Variants in ARB2A observed in about 807,000 individuals in gnomAD.
ARB2A encodes cotranscriptional regulator ARB2A.
chr5:93,806,989 A>C, the ARB2A span, among the ~76,000 whole-genome samples: 1 of 152,036 alleles, frequency 6.6e-6, no homozygotes, highest in East Asian at 1.9e-4. Flanking sequence ...CACAATAATC[A>C]AATTCAGCCA....
At chr5:94,020,195 T>G in the ARB2A span, among the ~76,000 whole-genome samples, 1 of 139,280 alleles carries the variant, frequency 7.2e-6, no homozygotes, top group East Asian at 2.1e-4. Flanking sequence ...TTCTCACTCA[T>G]AAGTGGGAGT....
the ARB2A span, among the ~76,000 whole-genome samples, chr5:94,009,098 A>C: frequency 6.6e-6 from 1 of 152,144 alleles, no homozygotes; most frequent in Non-Finnish European, 1.5e-5. Flanking sequence ...TCTCAAAATT[A>C]GGTTAGTTTT....
chr5:93,783,186 G>A, the ARB2A span, among the ~76,000 whole-genome samples: 1 of 151,992 alleles, frequency 6.6e-6, no homozygotes, highest in Non-Finnish European at 1.5e-5. Flanking sequence ...TTATGTGAGC[G>A]GGGAAAAGTT....
At chr5:94,086,026 A>C in the ARB2A span, among the ~76,000 whole-genome samples, 1 of 152,230 alleles carries the variant, frequency 6.6e-6, no homozygotes, top group Non-Finnish European at 1.5e-5. Flanking sequence ...AAAGAACAGA[A>C]GGCATGAGAT....
chr5:94,040,260 A>G, the ARB2A span, among the ~76,000 whole-genome samples: 1 of 152,184 alleles, frequency 6.6e-6, no homozygotes, highest in Non-Finnish European at 1.5e-5. Context: ...ATCGTGGGAC[A>G]TGGGGAGCTT....
the ARB2A span, among the ~76,000 whole-genome samples, chr5:94,106,198 C>G: frequency 6.6e-6 from 1 of 151,956 alleles, no homozygotes; most frequent in African/African-American, 2.4e-5. Context: ...AACAGACAAC[C>G]TACAGAATGG....
At chr5:94,109,866 TTCTCTATACC>T in the ARB2A span, among the ~76,000 whole-genome samples, 1 of 150,532 alleles carries the variant, frequency 6.6e-6, no homozygotes, top group Non-Finnish European at 1.5e-5. Flanking sequence ...TAATTTATTT[TTCTCTATACC>T]TCTTTTTTTT....
At chr5:94,018,407 T>TA in the ARB2A span, among the ~76,000 whole-genome samples, 6 of 152,344 alleles carry the variant, frequency 3.9e-5, no homozygotes, top group African/African-American at 1.4e-4. Flanking sequence ...CTGAATTCAC[T>TA]AGCTTACTAT....
At chr5:94,014,287 C>T in the ARB2A span, among the ~76,000 whole-genome samples, 1 of 152,196 alleles carries the variant, frequency 6.6e-6, no homozygotes, top group Admixed American at 6.5e-5. Flanking sequence ...AGGCCTCCCC[C>T]ATTTGGGATG....
chr5:93,664,129 G>T, the ARB2A span, among the ~76,000 whole-genome samples: 1 of 151,764 alleles, frequency 6.6e-6, no homozygotes, highest in Admixed American at 6.6e-5. Flanking sequence ...GGGCGGGGGT[G>T]GGGGGCAGTG....
the ARB2A span, among the ~76,000 whole-genome samples, chr5:93,825,307 AAGAT>A: frequency 1.7e-4 from 1 of 5,774 alleles, no homozygotes; most frequent in Non-Finnish European, 4.0e-4. Flanking sequence ...GGGCACAAAC[AAGAT>A]AATTTTTTTT....
the ARB2A span, among the ~76,000 whole-genome samples, chr5:94,074,210 G>A: frequency 1.3e-5 from 2 of 151,876 alleles, no homozygotes; most frequent in Admixed American, 6.6e-5. Context: ...AATGTCTAAC[G>A]CAGATTCCTT....
chr5:93,928,847 T>C, the ARB2A span, among the ~76,000 whole-genome samples: 1 of 152,096 alleles, frequency 6.6e-6, no homozygotes, highest in African/African-American at 2.4e-5. Flanking sequence ...TGATGGGCTA[T>C]ATGGGAAAAG....
the ARB2A span, among the ~76,000 whole-genome samples, chr5:93,973,519 C>A: frequency 1.3e-5 from 2 of 152,112 alleles, no homozygotes; most frequent in African/African-American, 2.4e-5. Context: ...AGAAGTTTCT[C>A]TAATCTTGCT....
At chr5:93,763,368 G>T in the ARB2A span, among the ~76,000 whole-genome samples, 1 of 151,528 alleles carries the variant, frequency 6.6e-6, no homozygotes, top group African/African-American at 2.4e-5. Context: ...CAAGCAAATG[G>T]AAAACAAAAA....
chr5:93,785,496 G>A, the ARB2A span, among the ~76,000 whole-genome samples: 1 of 152,070 alleles, frequency 6.6e-6, no homozygotes, highest in African/African-American at 2.4e-5. Context: ...AGAGAATTCT[G>A]AATGGCGATG....
the ARB2A span, among the ~76,000 whole-genome samples, chr5:93,910,031 C>T: frequency 6.6e-6 from 1 of 150,912 alleles, no homozygotes; most frequent in Non-Finnish European, 1.5e-5. Context: ...ACATTTGTAA[C>T]TACATTGACA....
At chr5:93,746,812 G>A in the ARB2A span, among the ~76,000 whole-genome samples, 5 of 152,278 alleles carry the variant, frequency 3.3e-5, no homozygotes, top group South Asian at 1.0e-3. Context: ...ATCTGTAAAG[G>A]CAGGAAGAGC....
the ARB2A span, among the ~76,000 whole-genome samples, chr5:93,986,580 G>A: frequency 6.6e-6 from 1 of 152,224 alleles, no homozygotes; most frequent in Admixed American, 6.5e-5. Context: ...TAATGGAAAA[G>A]GGGGAAGTGT....
Sources: allele counts gnomAD v4.1 joint callset (sites outside exome capture counted in the v4.1 genomes callset), GRCh38; gene constraint gnomAD v4.1.1; transcripts MANE v1.5; gene names NCBI Gene and HGNC (gene_info 2026-07-23, HGNC 2026-07-21).